The following HUWE1 variants were observed in gnomAD, a reference collection of about 807,000 sequenced individuals.
The protein encoded by HUWE1 is HECT, UBA and WWE domain containing E3 ubiquitin protein ligase 1.
In HUWE1, 18 loss-of-function variants were observed where a neutral mutation model predicts 299.4. The ratio of observed to expected loss-of-function variants is 0.06; its 90% CI spans 0.04 to 0.09. The LOEUF (loss-of-function observed/expected upper bound fraction) is 0.09. HUWE1 is among the 10% of genes least tolerant of loss of function. The pLI is 1.00. For missense variants in HUWE1, 1,832 were observed against 3,462.3 expected, an observed-to-expected ratio of 0.53 and a Z score of 11.82; for synonymous variants, 1,317 against 1,286.1, an observed-to-expected ratio of 1.02 and a Z score of -0.51.
chrX:53,608,809 C>A (rs2065285089), intron 24 of HUWE1, 43 bp downstream of exon 24: 1 of 798,948 alleles, frequency 1.3e-6, no homozygotes, highest in Non-Finnish European at 1.9e-6. Flanking sequence ...TCCAGAAAAG[C>A]ACATATACAT....
intron 2 of HUWE1, among the ~76,000 whole-genome samples, chrX:53,681,796 C>A (rs189213834): frequency 2.8e-4 from 31 of 112,509 alleles, no homozygotes; most frequent in African/African-American, 9.4e-4. Flanking sequence ...ACAGGACAGA[C>A]TGCCTTTGAA....
intron 21 of HUWE1, 93 bp downstream of exon 21, chrX:53,616,877 C>G (rs782386358): frequency 2.7e-6 from 2 of 749,650 alleles, no homozygotes; most frequent in Non-Finnish European, 4.0e-6. Flanking sequence ...CTTAGCACAC[C>G]TAACCAGTAA....
chrX:53,678,851 A>G (rs1172160496), intron 3 of HUWE1, among the ~76,000 whole-genome samples: 1 of 112,380 alleles, frequency 8.9e-6, no homozygotes, highest in East Asian at 2.8e-4. Context: ...TCATTAGGAA[A>G]CACTAGCTTC....
At chrX:53,680,811 C>G (rs2070093653) in intron 2 of HUWE1, 1 of 112,056 alleles carries the variant, frequency 8.9e-6, no homozygotes, top group South Asian at 3.7e-4. Flanking sequence ...ACTGCTTAAC[C>G]CACGGTAAAA....
chrX:53,624,402 C>A (rs2066349920), intron 19 of HUWE1, among the ~76,000 whole-genome samples, 193 bp downstream of exon 19: 1 of 112,185 alleles, frequency 8.9e-6, no homozygotes, highest in South Asian at 3.7e-4. Flanking sequence ...GAGGCTGAGG[C>A]AGGAGACTCG....
At position 53,555,841 on chromosome X, in the gene HUWE1, C is replaced by T. The variant is rs782234664; in HGVS notation, c.8207-921G>A. Among the ~76,000 whole-genome samples the T allele has an allele frequency of 5.5e-5, 6 of 108,513 alleles. No homozygotes were observed. The South Asian group carries it at 2.5e-3, about 44-fold the overall frequency. The allele number at this position is 108,513 out of a possible 115,157, so 94.2% of individuals were successfully genotyped here. On this transcript the variant is annotated intron_variant, in intron 60 of 83. Coordinates refer to ENST00000262854, the MANE Select transcript of HUWE1 (RefSeq NM_031407.7). ...ATTTTGAGTAGAGGCGGGGTTTCGC[C>T]GTGTTGGCCAGGTTGGTCTCGAACT...
At chrX:53,681,380 G>A (rs1384289136) in intron 2 of HUWE1, among the ~76,000 whole-genome samples, 1 of 105,990 alleles carries the variant, frequency 9.4e-6, no homozygotes, top group African/African-American at 3.5e-5. Context: ...GTTGCAGTGA[G>A]CCGAGATCGC....
chrX:53,647,689 G>C, intron 5 of HUWE1, 115 bp from the exon 6 acceptor site: 2 of 585,594 alleles, frequency 3.4e-6, no homozygotes, highest in Non-Finnish European at 6.0e-6. Flanking sequence ...ACAAGTTCAC[G>C]TCCCACCCTT....
At chrX:53,600,990 T>C (rs1556989981) in intron 28 of HUWE1, among the ~76,000 whole-genome samples, 1 of 112,122 alleles carries the variant, frequency 8.9e-6, no homozygotes, top group African/African-American at 3.2e-5. Flanking sequence ...GAGTTAAATT[T>C]AGTATGTTTT....
At chrX:53,598,434 T>C (rs913457171) in intron 29 of HUWE1, among the ~76,000 whole-genome samples, 1 of 111,549 alleles carries the variant, frequency 9.0e-6, no homozygotes, top group African/African-American at 3.3e-5. Context: ...TGACCTGTTC[T>C]GCCTCTGCTA....
chrX:53,649,124 A>T (rs782512484), intron 4 of HUWE1, among the ~76,000 whole-genome samples: 1 of 112,252 alleles, frequency 8.9e-6, no homozygotes, highest in South Asian at 3.7e-4. Context: ...GAACCAAACA[A>T]GTCTGGATTC....
intron 17 of HUWE1, 117 bp downstream of exon 17, chrX:53,627,293 G>T (rs782554834): frequency 2.9e-5 from 13 of 455,113 alleles, no homozygotes; most frequent in Non-Finnish European, 4.9e-5. Context: ...TTTTGTTGCT[G>T]AAAGTATATA....
chrX:53,665,408 CT>C (rs2069198459), intron 3 of HUWE1, among the ~76,000 whole-genome samples: 1 of 112,343 alleles, frequency 8.9e-6, no homozygotes, highest in Non-Finnish European at 1.9e-5. Context: ...CTGGGTGTTT[CT>C]CTGCACTGCA....
rs2064054054 is a variant in HUWE1 at position 53,589,778 on chromosome X, A to G, written c.4230T>C (p.Ala1410=). Reference sequence around the variant, plus strand: ...CCTCTTCCTCCTCCTGCTTTTCCCGAGCTTTCCGTTCCTCTTCCTCCTTCC... The same window carrying G: ...CCTCTTCCTCCTCCTGCTTTTCCCGGGCTTTCCGTTCCTCTTCCTCCTTCC... ...ACRKEEEERK[A]REKQEEEEAK... The change falls in exon 36 of 84, where the codon GCT becomes GCC. Residue 1410 remains alanine, a synonymous_variant. Coordinates refer to ENST00000262854, the MANE Select transcript of HUWE1 (RefSeq NM_031407.7). 1 of 1,210,073 alleles carries G rather than the reference A, an allele frequency of 8.3e-7. No homozygotes were observed. The highest frequency in any genetic ancestry group is 1.1e-6 in the Non-Finnish European group (1 of 894,818).
At position 53,583,852 on chromosome X, in the gene HUWE1, G is replaced by C. The variant is rs185657233; in HGVS notation, c.5226C>G (p.Ile1742Met). Residue 1742 changes from isoleucine to methionine, a missense_variant, in exon 42 of 84, where the codon ATC becomes ATG. By Grantham distance (10) the Ile-to-Met change is conservative. Transcript: ENST00000262854. The stretch of plus-strand genomic sequence containing the variant: ...TCAAGCCCTGGATCAGGATCTCCCC[G>C]ATTTTTGTTTCCTCCAGGCTTGTCT... ...EKETSLEETKIGEILIQGLTE... is the reference protein window; with the variant it reads ...EKETSLEETKMGEILIQGLTE... 1.7e-6 allele frequency: 2 copies of C among 1,209,382 alleles called. No individual in the cohort carries two copies. The highest frequency in any genetic ancestry group is 4.4e-5 in the Admixed American group (2 of 45,797).
intron 83 of HUWE1, 44 bp from the exon 84 acceptor site, chrX:53,533,455 T>C (rs782798668): frequency 6.3e-6 from 6 of 958,631 alleles, no homozygotes; most frequent in African/African-American, 3.8e-5. Flanking sequence ...GGATGACAGA[T>C]AACCAAATCT....
Position 53,577,000 on chromosome X carries a change from G to T in HUWE1, c.5784C>A (p.Thr1928=), listed in dbSNP as rs781919655. ...GPNAVQLVKT[T]PLKPSPLPVI... Reference sequence around the variant, plus strand: ...CAGGCAGAGGTGAGGGCTTCAAAGGGGTGGTCTTCACCAGCTGTACAGCAT... The same window carrying T: ...CAGGCAGAGGTGAGGGCTTCAAAGGTGTGGTCTTCACCAGCTGTACAGCAT... The change falls in exon 44 of 84, where the codon ACC becomes ACA. Residue 1928 remains threonine (T), a synonymous_variant. Coordinates refer to ENST00000262854, the MANE Select transcript of HUWE1 (RefSeq NM_031407.7). 107 of 1,203,654 alleles carry T rather than the reference G, an allele frequency of 8.9e-5. No individual in the cohort carries two copies. The highest frequency in any genetic ancestry group is 1.1e-4 in the Non-Finnish European group (98 of 889,838).
chrX:53,607,909 A>G (rs1437972053), intron 24 of HUWE1, among the ~76,000 whole-genome samples: 1 of 111,690 alleles, frequency 9.0e-6, no homozygotes, highest in Non-Finnish European at 1.9e-5. Context: ...TCCATTTTCA[A>G]GCACACCAAG....
chrX:53,577,233 C>A (rs1396194667), intron 43 of HUWE1, among the ~76,000 whole-genome samples, 166 bp from the exon 44 acceptor site: 3 of 110,724 alleles, frequency 2.7e-5, no homozygotes, highest in Non-Finnish European at 5.7e-5. Flanking sequence ...TTTATACTTT[C>A]CTTAAATTCC....
Sources: gnomAD v4.1 joint callset for allele counts (sites outside exome capture counted in the v4.1 genomes callset) on GRCh38, gnomAD v4.1.1 for gene constraint, MANE v1.5 for transcripts, NCBI Gene and HGNC (gene_info 2026-07-23, HGNC 2026-07-21) for gene names.